The following SPANXN4 variants were observed in gnomAD, a reference collection of about 807,000 sequenced individuals.
SPANXN4 encodes the protein SPANX family member N4, also known as sperm protein associated with the nucleus on the X chromosome N4.
SPANXN4 carries 5 observed loss-of-function variants against 6.0 expected under a neutral mutation model. The ratio of observed to expected loss-of-function variants is 0.83; its 90% CI spans 0.44 to 1.75. The LOEUF is 1.75. Ranked by LOEUF, SPANXN4 falls within the 40% of genes most tolerant of loss-of-function variation. The pLI, the probability that SPANXN4 is intolerant of heterozygous loss-of-function variation, is 0.02. For synonymous variants in SPANXN4, 45 were observed against 38.0 expected, an observed-to-expected ratio of 1.19 and a Z score of -0.68; for missense variants, 157 against 108.6, an observed-to-expected ratio of 1.45 and a Z score of -1.98.
At chrX:143,026,306 A>G (rs1251150471) in intron 1 of SPANXN4, among the ~76,000 whole-genome samples, 2 of 111,485 alleles carry the variant, frequency 1.8e-5, no homozygotes, top group Middle Eastern at 4.7e-3. Context: ...CGGAATATTG[A>G]TAAGATGTTG....
At chrX:143,030,980 A>T (rs191164184) in intron 1 of SPANXN4, among the ~76,000 whole-genome samples, 4 of 111,623 alleles carry the variant, frequency 3.6e-5, no homozygotes, top group Non-Finnish European at 3.8e-5. Context: ...GTGTGTGGCT[A>T]TTGTGGGTTT....
intron 1 of SPANXN4, among the ~76,000 whole-genome samples, chrX:143,029,985 C>T: frequency 9.0e-6 from 1 of 110,869 alleles, no homozygotes; most frequent in East Asian, 2.8e-4. Flanking sequence ...TCAGAATGTA[C>T]ATACAAAGTA....
chrX:143,036,860 T>C (rs545676980), downstream of SPANXN4, among the ~76,000 whole-genome samples: 4 of 111,651 alleles, frequency 3.6e-5, no homozygotes, highest in Admixed American at 9.5e-5. Flanking sequence ...TTGGGGAATA[T>C]TGAACACAGA....
At chrX:143,038,155 C>A (rs1048328311), downstream of SPANXN4, among the ~76,000 whole-genome samples, 6 of 111,997 alleles carry the variant, frequency 5.4e-5, no homozygotes, top group African/African-American at 6.5e-5. Flanking sequence ...ACACTCTGAT[C>A]TCTTTTTTCT....
exon 1 of SPANXN4, chrX:143,026,084 G>T: frequency 8.3e-7 from 1 of 1,205,400 alleles, no homozygotes; most frequent in Non-Finnish European, 1.1e-6. Flanking sequence ...CAAAAGAAAA[G>T]TTGACAAGGT....
chrX:143,037,308 T>A (rs1217777587), downstream of SPANXN4, among the ~76,000 whole-genome samples: 2 of 111,881 alleles, frequency 1.8e-5, no homozygotes, highest in Non-Finnish European at 3.8e-5. Flanking sequence ...CAATACCTCA[T>A]ATCATTTCTT....
chrX:143,038,295 G>A (rs762443514), downstream of SPANXN4, among the ~76,000 whole-genome samples: 6 of 111,685 alleles, frequency 5.4e-5, no homozygotes, highest in South Asian at 2.3e-3. Context: ...TTTTCTACAT[G>A]AAAACTGTTT....
At chrX:143,036,487 C>A (rs1932844357), downstream of SPANXN4, among the ~76,000 whole-genome samples, 1 of 111,834 alleles carries the variant, frequency 8.9e-6, no homozygotes, top group African/African-American at 3.2e-5. Context: ...CATTTATTTG[C>A]ATGTGGATGT....
intron 1 of SPANXN4, among the ~76,000 whole-genome samples, chrX:143,026,539 G>A (rs1932779967): frequency 8.9e-6 from 1 of 111,885 alleles, no homozygotes; most frequent in African/African-American, 3.3e-5. Context: ...AGAGAGTGCA[G>A]TTTAGACTGA....
intron 1 of SPANXN4, among the ~76,000 whole-genome samples, chrX:143,028,799 G>A (rs1280431478): frequency 9.0e-6 from 1 of 110,928 alleles, no homozygotes; most frequent in Non-Finnish European, 1.9e-5. Flanking sequence ...GAAAGGAGAT[G>A]GTTTGATAGC....
intron 1 of SPANXN4, among the ~76,000 whole-genome samples, chrX:143,029,399 G>T (rs1337340856): frequency 9.0e-6 from 1 of 111,619 alleles, no homozygotes; most frequent in Non-Finnish European, 1.9e-5. Context: ...CTGGGTTAGG[G>T]CTACTAGCTT....
intron 1 of SPANXN4, among the ~76,000 whole-genome samples, chrX:143,031,700 T>G (rs1020144928): frequency 1.3e-4 from 14 of 111,842 alleles, no homozygotes; most frequent in African/African-American, 3.3e-4. Flanking sequence ...GGTCCTTTTT[T>G]GTGTTTTTAG....
At chrX:143,033,682 T>A (rs1254306831) in intron 1 of SPANXN4, among the ~76,000 whole-genome samples, 1 of 111,889 alleles carries the variant, frequency 8.9e-6, no homozygotes, top group Non-Finnish European at 1.9e-5. Flanking sequence ...CAGAAAGATA[T>A]GATAGCAATG....
At chrX:143,032,497 C>T (rs1054375581) in intron 1 of SPANXN4, among the ~76,000 whole-genome samples, 1 of 109,479 alleles carries the variant, frequency 9.1e-6, no homozygotes, top group Non-Finnish European at 1.9e-5. Context: ...TTTTTTTAAC[C>T]AGGCTGAAAT....
chrX:143,038,031 G>A (rs1257442301), downstream of SPANXN4, among the ~76,000 whole-genome samples: 1 of 111,592 alleles, frequency 9.0e-6, no homozygotes, highest in East Asian at 2.8e-4. Context: ...CAATCTTAAA[G>A]TAAACAGAAG....
chrX:143,027,423 C>T (rs879199213), intron 1 of SPANXN4, among the ~76,000 whole-genome samples: 5 of 111,071 alleles, frequency 4.5e-5, no homozygotes, highest in African/African-American at 6.6e-5. Flanking sequence ...ACATGAAGAG[C>T]GGCTCTGGCA....
intron 1 of SPANXN4, among the ~76,000 whole-genome samples, chrX:143,031,040 A>G (rs1038556486): frequency 1.8e-5 from 2 of 109,048 alleles, no homozygotes; most frequent in Admixed American, 2.0e-4. Context: ...TGGATAATGA[A>G]GATGAGGGGG....
chrX:143,034,614 T>C, exon 3 of SPANXN4: 1 of 1,166,062 alleles, frequency 8.6e-7, no homozygotes, highest in Non-Finnish European at 1.1e-6. Flanking sequence ...CTTTCCAAAA[T>C]GAAGACATCA....
chrX:143,030,056 TTG>T (rs147747313), intron 1 of SPANXN4, among the ~76,000 whole-genome samples: 19,472 of 105,501 alleles, frequency 0.18, 1,734 homozygotes, highest in South Asian at 0.29. Flanking sequence ...ATTTTTTAGT[TTG>T]TTTTTTTTTT....
Sources: gnomAD v4.1 joint callset for allele counts (sites outside exome capture counted in the v4.1 genomes callset) on GRCh38, gnomAD v4.1.1 for gene constraint, MANE v1.5 for transcripts, NCBI Gene and HGNC (gene_info 2026-07-23, HGNC 2026-07-21) for gene names.